The following QTMAN variants were observed in gnomAD, a reference collection of about 807,000 sequenced individuals.
QTMAN encodes the protein tRNA-queuosine alpha-mannosyltransferase.
the QTMAN span, among the ~76,000 whole-genome samples, chr2:144,333,058 G>A: frequency 2.6e-5 from 4 of 151,392 alleles, no homozygotes; most frequent in Admixed American, 6.6e-5. Context: ...TCTGCAGCCC[G>A]GAGCTCCTCC....
chr2:144,178,236 T>C, the QTMAN span: 1 of 152,196 alleles, frequency 6.6e-6, no homozygotes, highest in Non-Finnish European at 1.5e-5. Context: ...GGTCAAATCA[T>C]TTTTCTGAAC....
chr2:144,045,592 G>C, the QTMAN span, among the ~76,000 whole-genome samples: 8 of 152,292 alleles, frequency 5.3e-5, no homozygotes, highest in Non-Finnish European at 1.0e-4. Flanking sequence ...CTGGAGTTTG[G>C]GGGTTGGGGG....
the QTMAN span, among the ~76,000 whole-genome samples, chr2:144,224,808 T>C: frequency 6.6e-6 from 1 of 152,228 alleles, no homozygotes; most frequent in Admixed American, 6.5e-5. Context: ...ATTTATTAAT[T>C]ATTACATTCT....
At chr2:143,973,324 T>C in the QTMAN span, among the ~76,000 whole-genome samples, 2 of 151,848 alleles carry the variant, frequency 1.3e-5, no homozygotes, top group Non-Finnish European at 1.5e-5. Context: ...AATTTAAGAG[T>C]GGGAAAAGAG....
the QTMAN span, among the ~76,000 whole-genome samples, chr2:144,223,922 C>G: frequency 1.3e-5 from 2 of 152,148 alleles, no homozygotes; most frequent in African/African-American, 4.8e-5. Context: ...AGGCCTGTTT[C>G]TAGTTTCCTT....
the QTMAN span, among the ~76,000 whole-genome samples, chr2:144,161,561 G>A: frequency 6.6e-6 from 1 of 152,048 alleles, no homozygotes; most frequent in East Asian, 1.9e-4. Context: ...TGTCCCTACA[G>A]TTGAAAAAAA....
chr2:143,991,924 C>A, the QTMAN span, among the ~76,000 whole-genome samples: 1 of 149,086 alleles, frequency 6.7e-6, no homozygotes, highest in Non-Finnish European at 1.5e-5. Flanking sequence ...GGGTCAGCCC[C>A]CCGCCCGGCC....
At chr2:144,054,649 G>T in the QTMAN span, among the ~76,000 whole-genome samples, 1 of 152,122 alleles carries the variant, frequency 6.6e-6, no homozygotes, top group Non-Finnish European at 1.5e-5. Context: ...CCCTGACCTG[G>T]CCTGGATGAT....
chr2:144,298,240 G>A, the QTMAN span, among the ~76,000 whole-genome samples: 3 of 150,890 alleles, frequency 2.0e-5, no homozygotes, highest in South Asian at 6.3e-4. Flanking sequence ...GGATGGTCTC[G>A]ATCTCCTGAC....
the QTMAN span, among the ~76,000 whole-genome samples, chr2:144,303,288 G>A: frequency 6.6e-6 from 1 of 152,132 alleles, no homozygotes; most frequent in African/African-American, 2.4e-5. Flanking sequence ...GTATAAAAAC[G>A]TAGAATATGC....
the QTMAN span, chr2:143,963,775 T>C: frequency 6.6e-6 from 1 of 152,170 alleles, no homozygotes; most frequent in Non-Finnish European, 1.5e-5. Context: ...CTACCTTTAA[T>C]TGAATCTTCC....
At chr2:144,022,128 G>A in the QTMAN span, among the ~76,000 whole-genome samples, 1 of 151,910 alleles carries the variant, frequency 6.6e-6, no homozygotes. Flanking sequence ...GAATTATCTT[G>A]GGGATTCATT....
chr2:143,987,109 T>G, the QTMAN span, among the ~76,000 whole-genome samples: 1 of 152,160 alleles, frequency 6.6e-6, no homozygotes, highest in Non-Finnish European at 1.5e-5. Context: ...TGCAACAGGT[T>G]ACACATTTAA....
chr2:143,950,966 A>C, the QTMAN span: 2 of 151,906 alleles, frequency 1.3e-5, no homozygotes, highest in Non-Finnish European at 3.0e-5. Flanking sequence ...TTGGGTGTTA[A>C]ATTGCATTTT....
chr2:144,189,797 T>TGGGG, the QTMAN span, among the ~76,000 whole-genome samples: 1 of 151,942 alleles, frequency 6.6e-6, no homozygotes, highest in African/African-American at 2.4e-5. Context: ...TTTTTTTGTA[T>TGGGG]TTTTAGTAGA....
At chr2:144,314,509 G>A in the QTMAN span, among the ~76,000 whole-genome samples, 26 of 152,060 alleles carry the variant, frequency 1.7e-4, no homozygotes, top group Non-Finnish European at 3.4e-4. Flanking sequence ...TCAGGAGATC[G>A]AGACCATCCT....
At chr2:144,192,235 T>C in the QTMAN span, among the ~76,000 whole-genome samples, 1 of 151,932 alleles carries the variant, frequency 6.6e-6, no homozygotes. Flanking sequence ...GCCTCCCAAG[T>C]AGCTGGGATA....
the QTMAN span, among the ~76,000 whole-genome samples, chr2:144,209,373 T>C: frequency 2.0e-5 from 3 of 152,244 alleles, no homozygotes; most frequent in Admixed American, 6.5e-5. Flanking sequence ...ATCAACCAAA[T>C]GCAAATCTCT....
At chr2:143,979,166 A>C in the QTMAN span, among the ~76,000 whole-genome samples, 1 of 152,182 alleles carries the variant, frequency 6.6e-6, no homozygotes. Flanking sequence ...GAATTAAAAA[A>C]AAAAACAAAA....
Sources: allele counts gnomAD v4.1 joint callset (sites outside exome capture counted in the v4.1 genomes callset), GRCh38; gene constraint gnomAD v4.1.1; transcripts MANE v1.5; gene names NCBI Gene and HGNC (gene_info 2026-07-23, HGNC 2026-07-21).